CENPK: variants seen among roughly 807,000 people sequenced by gnomAD.
CENPK encodes centromere protein K, also known as SoxLZ/Sox6-binding protein Solt.
A neutral mutation model predicts 40.9 loss-of-function variants in CENPK; 46 were observed. That is an observed-to-expected ratio of 1.13 (90% CI 0.89 to 1.44). The LOEUF (loss-of-function observed/expected upper bound fraction) is 1.44. CENPK is among the 40% of genes most tolerant of loss of function. CENPK has a pLI of 0.00. For missense variants in CENPK, 288 were observed against 303.5 expected (o/e 0.95, Z 0.38); for synonymous variants, 107 against 104.4 (o/e 1.02, Z -0.15).
At chr5:65,548,366 G>A (rs995673661) in intron 5 of CENPK, among the ~76,000 whole-genome samples, 5 of 152,126 alleles carry the variant, frequency 3.3e-5, no homozygotes, top group South Asian at 2.1e-4. Context: ...CTGAGCCTTC[G>A]GTGAGTTGTA....
intron 6 of CENPK, among the ~76,000 whole-genome samples, chr5:65,535,230 G>A (rs544815281): frequency 2.0e-5 from 3 of 151,000 alleles, no homozygotes; most frequent in Non-Finnish European, 3.0e-5. Flanking sequence ...AAACCCTGTC[G>A]AGGATGGAAG....
At chr5:65,547,599 C>T (rs1433339898) in intron 5 of CENPK, among the ~76,000 whole-genome samples, 5 of 151,604 alleles carry the variant, frequency 3.3e-5, no homozygotes, top group African/African-American at 1.2e-4. Flanking sequence ...GTCATTAAAG[C>T]AAGAATATGG....
At chr5:65,508,150 G>A in the CENPK span, among the ~76,000 whole-genome samples, 3 of 152,142 alleles carry the variant, frequency 2.0e-5, no homozygotes, top group Non-Finnish European at 4.4e-5. Context: ...CCCTGTGTAA[G>A]TAAGAAATAC....
intron 3 of CENPK, among the ~76,000 whole-genome samples, chr5:65,554,074 G>A (rs973762205): frequency 6.6e-5 from 10 of 151,486 alleles, no homozygotes; most frequent in Admixed American, 1.3e-4. Flanking sequence ...TCTTCTTTAT[G>A]CTTTGTATAC....
chr5:65,524,357 C>T (rs757726261), intron 9 of CENPK, among the ~76,000 whole-genome samples: 3 of 150,918 alleles, frequency 2.0e-5, no homozygotes, highest in Non-Finnish European at 4.4e-5. Context: ...TGCACTCCAG[C>T]GTGGGCAACA....
At chr5:65,532,930 A>AAAC (rs1746130491) in intron 6 of CENPK, among the ~76,000 whole-genome samples, 1 of 147,170 alleles carries the variant, frequency 6.8e-6, no homozygotes, top group African/African-American at 2.6e-5. Flanking sequence ...AAAAAAAAAA[A>AAAC]AAAAAATCAA....
chr5:65,522,293 T>A (rs786530), intron 9 of CENPK, among the ~76,000 whole-genome samples: 61,867 of 152,038 alleles, frequency 0.41, 12,943 homozygotes, highest in East Asian at 0.65. Context: ...ATTAGTTGTT[T>A]CTTCCTTGGA....
intron 5 of CENPK, among the ~76,000 whole-genome samples, chr5:65,548,081 AG>A (rs1749336608): frequency 6.6e-6 from 1 of 152,198 alleles, no homozygotes; most frequent in South Asian, 2.1e-4. Context: ...AGAAAGAAGC[AG>A]GAAGACATAC....
chr5:65,546,317 A>T (rs1748965704), intron 5 of CENPK, among the ~76,000 whole-genome samples: 1 of 146,420 alleles, frequency 6.8e-6, no homozygotes, highest in African/African-American at 2.5e-5. Flanking sequence ...TTCTAATTTT[A>T]ACAAATATGC....
intron 6 of CENPK, among the ~76,000 whole-genome samples, chr5:65,530,418 A>G (rs1268664908): frequency 6.6e-6 from 1 of 152,254 alleles, no homozygotes; most frequent in Non-Finnish European, 1.5e-5. Context: ...CAGAGAAAGA[A>G]GACAAAGGAA....
At chr5:65,512,514 C>A in the CENPK span, among the ~76,000 whole-genome samples, 1 of 152,190 alleles carries the variant, frequency 6.6e-6, no homozygotes, top group Non-Finnish European at 1.5e-5. Flanking sequence ...AGACCTTCCA[C>A]CAGCAAAAAA....
intron 9 of CENPK, among the ~76,000 whole-genome samples, chr5:65,524,300 G>A (rs1000884162): frequency 1.1e-4 from 16 of 151,030 alleles, no homozygotes; most frequent in Admixed American, 4.6e-4. Context: ...CAGCAGAATC[G>A]TGTGAACCCG....
At chr5:65,536,770 C>T (rs1259584946) in intron 6 of CENPK, among the ~76,000 whole-genome samples, 1 of 151,924 alleles carries the variant, frequency 6.6e-6, no homozygotes, top group Non-Finnish European at 1.5e-5. Context: ...TTTCATAATT[C>T]GACTTTAGCT....
At chr5:65,507,089 T>G in the CENPK span, among the ~76,000 whole-genome samples, 2 of 152,212 alleles carry the variant, frequency 1.3e-5, no homozygotes, top group Non-Finnish European at 2.9e-5. Context: ...GAATTTGCTC[T>G]TTTTCTTTTG....
chr5:65,520,916 A>T (rs1206870126), intron 10 of CENPK, among the ~76,000 whole-genome samples: 1 of 152,208 alleles, frequency 6.6e-6, no homozygotes, highest in Non-Finnish European at 1.5e-5. Context: ...TGAGGTTCAA[A>T]AACATTTTTG....
At chr5:65,544,755 A>G (rs1483569131) in intron 5 of CENPK, among the ~76,000 whole-genome samples, 1 of 152,190 alleles carries the variant, frequency 6.6e-6, no homozygotes, top group Non-Finnish European at 1.5e-5. Context: ...TGAGGACATT[A>G]CACTAACTAA....
At chr5:65,551,958 C>CT (rs1750148245) in intron 4 of CENPK, among the ~76,000 whole-genome samples, 4 of 145,108 alleles carry the variant, frequency 2.8e-5, no homozygotes, top group Admixed American at 1.4e-4. Flanking sequence ...CGCCTTTGTT[C>CT]TATTTTTTTT....
chr5:65,521,577 A>ATATTTCACCAT, intron 9 of CENPK, 49 bp from the exon 10 acceptor site: 2 of 1,196,360 alleles, frequency 1.7e-6, no homozygotes, highest in Non-Finnish European at 2.5e-6. Flanking sequence ...ACTTCTGCCA[A>ATATTTCACCAT]TGGTGAAATA....
chr5:65,552,387 T>C, intron 4 of CENPK, 106 bp downstream of exon 4: 1 of 644,490 alleles, frequency 1.6e-6, no homozygotes, highest in Admixed American at 3.0e-5. Context: ...ATACAGGTAT[T>C]AACAAAGGTA....
Sources: gnomAD v4.1 joint callset for allele counts (sites outside exome capture counted in the v4.1 genomes callset) on GRCh38, gnomAD v4.1.1 for gene constraint, MANE v1.5 for transcripts, NCBI Gene and HGNC (gene_info 2026-07-23, HGNC 2026-07-21) for gene names.